The following ELAVL4 variants were observed in gnomAD, a reference collection of about 807,000 sequenced individuals.
The protein encoded by ELAVL4 is ELAV-like protein 4.
ELAVL4 carries 1 observed loss-of-function variant against 35.6 expected under a neutral mutation model. That is an observed-to-expected ratio of 0.03 (90% CI 0.01 to 0.13). ELAVL4 has a LOEUF of 0.13. Among genes scored for constraint, ELAVL4 ranks in the 10% least tolerant of loss-of-function variants. The pLI, the probability that ELAVL4 is intolerant of heterozygous loss-of-function variation, is 1.00. For synonymous variants in ELAVL4, 156 were observed against 171.0 expected (o/e 0.91, Z 0.69); for missense variants, 267 against 464.9 (o/e 0.57, Z 3.91).
chr1:50,149,176 T>A lies in ELAVL4; in HGVS notation c.250+3979T>A, dbSNP rs185022538. On this transcript the variant is annotated intron_variant, in intron 2 of 6. Coordinates refer to ENST00000371824, the MANE Select transcript of ELAVL4 (RefSeq NM_001144774.3). ...ACTTTGGGTGGCCAAGGCAGATGGG[T>A]CACCTGAGGTCAGGAGTTTAAGACC... 2.0e-5 allele frequency among the ~76,000 whole-genome samples: 3 copies of A among 152,070 alleles called. No homozygotes were observed. In the East Asian group the frequency reaches 5.8e-4, roughly 30 times the overall value.
intron 5 of ELAVL4, among the ~76,000 whole-genome samples, chr1:50,197,073 T>A (rs1010297824): frequency 3.3e-5 from 5 of 152,216 alleles, no homozygotes; most frequent in African/African-American, 4.8e-5. Flanking sequence ...TTTACAAGTT[T>A]AATTATAGTA....
Position 50,109,016 on chromosome 1 carries a change from C to CGGGGGGGGGGGGCG in ELAVL4, c.-174_-173insGGGGGGGGGGGGCG. The CGGGGGGGGGGGGCG allele has an allele frequency of 4.4e-6, 4 of 905,682 alleles. No individual in the cohort carries two copies. Among genetic ancestry groups the CGGGGGGGGGGGGCG allele is most frequent in the Non-Finnish European group, 5.3e-6 (4 of 761,312 alleles). 56.1% of individuals were successfully genotyped at this position (905,682 alleles called of 1,614,324 possible). ...CTCCTTTTCTTTTTTTTCTTTCTCT[C>CGGGGGGGGGGGGCG]CCCCGCCCACCCCCCCAAAAATAAT... is the stretch of plus-strand genomic sequence containing the variant. On this transcript the variant is annotated 5_prime_UTR_variant, in exon 1 of 7. Coordinates refer to ENST00000371824, the MANE Select transcript of ELAVL4 (RefSeq NM_001144774.3).
chr1:50,116,317 C>T (rs951713846), intron 1 of ELAVL4, among the ~76,000 whole-genome samples: 5 of 151,904 alleles, frequency 3.3e-5, no homozygotes, highest in African/African-American at 1.2e-4. Context: ...AGATAGTGAC[C>T]GTTTTGGCAT....
At chr1:50,193,949 G>T in intron 4 of ELAVL4, 31 bp downstream of exon 4, 1 of 1,610,394 alleles carries the variant, frequency 6.2e-7, no homozygotes, top group South Asian at 1.1e-5. Flanking sequence ...TTCTTTCCTT[G>T]TATATCAATG....
At chr1:50,173,303 G>A (rs144861096) in intron 2 of ELAVL4, among the ~76,000 whole-genome samples, 137 of 152,298 alleles carry the variant, frequency 9.0e-4, no homozygotes, top group African/African-American at 3.2e-3. Context: ...ATGTGCCTAT[G>A]CTTTATAAAA....
At chr1:50,087,718 A>G (rs1665313286) in intron 1 of ELAVL4, among the ~76,000 whole-genome samples, 2 of 152,128 alleles carry the variant, frequency 1.3e-5, no homozygotes, top group Non-Finnish European at 2.9e-5. Context: ...CTAGTCTGAT[A>G]GGATTGTTGG....
chr1:50,065,351 G>A lies in ELAVL4; in HGVS notation c.18+17169G>A, dbSNP rs571596851. ...AAAAGTTCCTATTTGTTGGATTAAG[G>A]AAAAGATGCTCTTTCTTAGATTAAG... On this transcript the variant is annotated intron_variant, in intron 1 of 6. Transcript: ENST00000448907. 2.0e-5 allele frequency among the ~76,000 whole-genome samples: 3 copies of A among 152,288 alleles called. No individual in the cohort carries two copies. In the South Asian group the frequency reaches 6.2e-4, roughly 32 times the overall value.
chr1:50,078,306 G>A (rs1388223072), intron 1 of ELAVL4, among the ~76,000 whole-genome samples: 3 of 152,096 alleles, frequency 2.0e-5, no homozygotes, highest in African/African-American at 4.8e-5. Context: ...TGGAGTGGGG[G>A]AAGTGAGTGG....
chr1:50,103,137 A>T (rs1251323521), upstream of ELAVL4, among the ~76,000 whole-genome samples: 1 of 152,086 alleles, frequency 6.6e-6, no homozygotes, highest in Non-Finnish European at 1.5e-5. Context: ...GTATGAATCT[A>T]CTCTTAGGTC....
rs1644115909 is a variant in ELAVL4, at chr1:50,197,281, G to A, written c.735-148G>A. On this transcript the variant is annotated intron_variant, in intron 5 of 6. Transcript: ENST00000371824. ...TACTTGCAGTTAGAGACAGAAAAGG[G>A]GGAAACTACCGGTGGATAGACTCCT... 3 of 651,400 alleles carry A rather than the reference G, an allele frequency of 4.6e-6. No homozygotes were observed. The East Asian group carries it at 9.1e-5, about 20-fold the overall frequency. The allele number at this position is 651,400 out of a possible 1,614,324, so 40.4% of individuals were successfully genotyped here. A position where few individuals can be genotyped will look rare whatever the true frequency, so the allele number is the denominator to read the frequency against.
At chr1:50,179,415 T>C (rs1469036042) in intron 3 of ELAVL4, 1 of 152,142 alleles carries the variant, frequency 6.6e-6, no homozygotes, top group East Asian at 1.9e-4. Flanking sequence ...TTTTCTTCCC[T>C]TTTCTAAAGG....
intron 4 of ELAVL4, 95 bp downstream of exon 4, chr1:50,194,013 T>C: frequency 1.4e-6 from 2 of 1,454,078 alleles, no homozygotes; most frequent in South Asian, 2.7e-5. Flanking sequence ...TTAAAGCAGA[T>C]GATATGGATC....
rs1004258626 is a variant in ELAVL4 at position 50,145,318 on chromosome 1, A to T, written c.250+121A>T. 4.9e-6 allele frequency: 7 copies of T among 1,430,176 alleles called. No individual in the cohort carries two copies. In the African/African-American group the frequency reaches 9.9e-5, roughly 20 times the overall value. 88.6% of individuals were successfully genotyped at this position (1,430,176 alleles called of 1,614,324 possible). A position where few individuals can be genotyped will look rare whatever the true frequency, so the allele number is the denominator to read the frequency against. ...GTACCCTGCATGCAAGATGGCATGGATACACAGTCATAAACTCACACTACA... is the reference window on the plus strand; with the variant it reads ...GTACCCTGCATGCAAGATGGCATGGTTACACAGTCATAAACTCACACTACA... On this transcript the variant is annotated intron_variant, in intron 2 of 6. Coordinates refer to ENST00000371824, the MANE Select transcript of ELAVL4 (RefSeq NM_001144774.3).
upstream of ELAVL4, among the ~76,000 whole-genome samples, chr1:50,105,157 C>T (rs1666203814): frequency 6.6e-6 from 1 of 152,156 alleles, no homozygotes; most frequent in Admixed American, 6.5e-5. Flanking sequence ...AACCTAATTT[C>T]TACCCAGAAG....
At chr1:50,156,672 C>T (rs902278083) in intron 2 of ELAVL4, among the ~76,000 whole-genome samples, 3 of 152,100 alleles carry the variant, frequency 2.0e-5, no homozygotes, top group Admixed American at 6.5e-5. Context: ...CATTAGTGAC[C>T]CCCTTATTTA....
chr1:50,183,445 G>C (rs1472716201), intron 3 of ELAVL4, among the ~76,000 whole-genome samples: 2 of 152,102 alleles, frequency 1.3e-5, no homozygotes, highest in South Asian at 2.1e-4. Context: ...CAATTCTGGA[G>C]GGAGCAGGAG....
chr1:50,159,240 C>T (rs1044121726), intron 2 of ELAVL4, among the ~76,000 whole-genome samples: 1 of 152,100 alleles, frequency 6.6e-6, no homozygotes, highest in African/African-American at 2.4e-5. Context: ...TCCAAAGGCG[C>T]TTAATTGATA....
At chr1:50,106,726 G>T (rs975615218), upstream of ELAVL4, among the ~76,000 whole-genome samples, 3 of 152,094 alleles carry the variant, frequency 2.0e-5, no homozygotes, top group African/African-American at 7.2e-5. Context: ...GGACATTTGT[G>T]CATTTGTTTG....
At chr1:50,116,057 C>A (rs1470104325) in intron 1 of ELAVL4, among the ~76,000 whole-genome samples, 5 of 152,024 alleles carry the variant, frequency 3.3e-5, no homozygotes, top group African/African-American at 1.2e-4. Flanking sequence ...AGGTGTGACT[C>A]CAAAAGATAG....
Sources: gnomAD v4.1 joint callset for allele counts (sites outside exome capture counted in the v4.1 genomes callset) on GRCh38, gnomAD v4.1.1 for gene constraint, MANE v1.5 for transcripts, NCBI Gene and HGNC (gene_info 2026-07-23, HGNC 2026-07-21) for gene names.